Variants in ECT2L observed in about 807,000 individuals in gnomAD.
The protein encoded by ECT2L is epithelial cell-transforming sequence 2 oncogene-like.
ECT2L carries 126 observed loss-of-function variants against 122.8 expected under a neutral mutation model. That is an observed-to-expected ratio of 1.03 (90% CI 0.89 to 1.19). ECT2L has a LOEUF of 1.19. ECT2L is among the 50% of genes most tolerant of loss of function. The pLI, the probability that ECT2L is intolerant of heterozygous loss-of-function variation, is 0.00. For missense variants in ECT2L, 1,012 were observed against 1,064.1 expected, an observed-to-expected ratio of 0.95 and a Z score of 0.68; for synonymous variants, 385 against 381.8, an observed-to-expected ratio of 1.01 and a Z score of -0.10.
intron 11 of ECT2L, 126 bp downstream of exon 11, chr6:138,862,845 T>TCAGG: frequency 4.4e-6 from 3 of 677,972 alleles, no homozygotes; most frequent in Non-Finnish European, 7.4e-6. Context: ...ATTCCTCCCC[T>TCAGG]GAAGGAACGC....
At chr6:138,897,115 T>C (rs1779242687) in intron 20 of ECT2L, among the ~76,000 whole-genome samples, 1 of 152,176 alleles carries the variant, frequency 6.6e-6, no homozygotes, top group Non-Finnish European at 1.5e-5. Flanking sequence ...GCTGAATCAC[T>C]GAATCTATCT....
intron 1 of ECT2L, among the ~76,000 whole-genome samples, chr6:138,800,262 A>C (rs2128367473): frequency 6.6e-6 from 1 of 152,356 alleles, no homozygotes; most frequent in South Asian, 2.1e-4. Flanking sequence ...TTTCCAGTAG[A>C]GACATGCCAC....
At chr6:138,827,760 T>C (rs1420476533) in intron 4 of ECT2L, among the ~76,000 whole-genome samples, 1 of 152,150 alleles carries the variant, frequency 6.6e-6, no homozygotes, top group Admixed American at 6.5e-5. Context: ...GGTTTCACCA[T>C]GTTGGCCAGA....
chr6:138,832,228 T>TATTATTATTG (rs1776672751), intron 4 of ECT2L, among the ~76,000 whole-genome samples: 1 of 152,072 alleles, frequency 6.6e-6, no homozygotes, highest in Admixed American at 6.5e-5. Flanking sequence ...TCACTCCTAT[T>TATTATTATTG]ATTACCTTGA....
intron 11 of ECT2L, among the ~76,000 whole-genome samples, chr6:138,864,740 T>C (rs1024861578): frequency 6.6e-6 from 1 of 152,184 alleles, no homozygotes; most frequent in African/African-American, 2.4e-5. Context: ...GTTTTTTTTC[T>C]TTAAACATTG....
intron 20 of ECT2L, among the ~76,000 whole-genome samples, chr6:138,900,155 A>G (rs975852665): frequency 1.3e-5 from 2 of 152,182 alleles, no homozygotes; most frequent in African/African-American, 4.8e-5. Context: ...AAATGTTTAT[A>G]TTTACTTCTA....
chr6:138,847,720 A>G (rs1207793509), intron 8 of ECT2L, among the ~76,000 whole-genome samples: 1 of 152,042 alleles, frequency 6.6e-6, no homozygotes, highest in East Asian at 1.9e-4. Flanking sequence ...CTGAGAGGTG[A>G]TAACTCACTC....
chr6:138,853,818 A>T (rs1777527426), intron 9 of ECT2L, among the ~76,000 whole-genome samples: 1 of 152,196 alleles, frequency 6.6e-6, no homozygotes, highest in Non-Finnish European at 1.5e-5. Flanking sequence ...CTGAGTGCAT[A>T]GTGTCCAATT....
At chr6:138,837,836 T>G (rs1457347749) in intron 4 of ECT2L, among the ~76,000 whole-genome samples, 1 of 152,144 alleles carries the variant, frequency 6.6e-6, no homozygotes, top group African/African-American at 2.4e-5. Flanking sequence ...ACTGTTTTAT[T>G]CCTGTGAATT....
intron 4 of ECT2L, among the ~76,000 whole-genome samples, chr6:138,820,030 G>A (rs1162051431): frequency 1.3e-5 from 2 of 152,168 alleles, no homozygotes; most frequent in Non-Finnish European, 2.9e-5. Context: ...TGCTTACCGG[G>A]TTAGACACTG....
intron 6 of ECT2L, among the ~76,000 whole-genome samples, chr6:138,843,791 G>T (rs891525386): frequency 1.3e-5 from 2 of 152,148 alleles, no homozygotes; most frequent in Admixed American, 6.5e-5. Context: ...TGAGGCTCAA[G>T]TGATCCTCCC....
At chr6:138,874,617 A>G (rs1435907225) in intron 13 of ECT2L, among the ~76,000 whole-genome samples, 1 of 152,172 alleles carries the variant, frequency 6.6e-6, no homozygotes, top group Non-Finnish European at 1.5e-5. Flanking sequence ...TGACACCTGA[A>G]TTTTAATGCA....
chr6:138,896,838 G>A (rs1338788890), intron 20 of ECT2L, among the ~76,000 whole-genome samples: 1 of 152,058 alleles, frequency 6.6e-6, no homozygotes, highest in African/African-American at 2.4e-5. Flanking sequence ...AGTAGAGACG[G>A]GGTTTCGCCA....
In ECT2L at chr6:138,813,375, T is replaced by A. The variant is rs778756961; in HGVS notation, c.66+35T>A. ...ATACTTTAAAACAGAACAAGTTTAA[T>A]TCGTAAGGTTAATTTTCCTGTGATA... On this transcript the variant is annotated intron_variant, in intron 3 of 21. Coordinates refer to ENST00000541398, the MANE Select transcript of ECT2L (RefSeq NM_001077706.3). 5 of 1,520,112 alleles carry A rather than the reference T, an allele frequency of 3.3e-6. No individual in the cohort carries two copies. In the South Asian group the frequency reaches 6.0e-5, roughly 18 times the overall value. The allele number at this position is 1,520,112 out of a possible 1,614,324, so 94.2% of individuals were successfully genotyped here.
intron 9 of ECT2L, among the ~76,000 whole-genome samples, chr6:138,850,308 C>A (rs1376165442): frequency 6.6e-6 from 1 of 152,078 alleles, no homozygotes; most frequent in African/African-American, 2.4e-5. Context: ...CCATGCCTGG[C>A]TAATTTTTCT....
At chr6:138,851,482 C>CTTT (rs56921189) in intron 9 of ECT2L, among the ~76,000 whole-genome samples, 11 of 109,612 alleles carry the variant, frequency 1.0e-4, no homozygotes, top group East Asian at 2.7e-4. Flanking sequence ...TGTGCCTAGC[C>CTTT]TTTTTTTTTT....
At chr6:138,800,825 A>G (rs970555410) in intron 1 of ECT2L, among the ~76,000 whole-genome samples, 13 of 152,250 alleles carry the variant, frequency 8.5e-5, no homozygotes, top group African/African-American at 3.1e-4. Flanking sequence ...TTTATAAAGA[A>G]TAGGAATGTA....
Position 138,903,724 on chromosome 6 carries a change from A to C in ECT2L, c.*1097A>C, listed in dbSNP as rs1234621991. On this transcript the variant is annotated 3_prime_UTR_variant, in exon 22 of 22. Coordinates refer to ENST00000541398, the MANE Select transcript of ECT2L (RefSeq NM_001077706.3). ...GTGTTGAGTAGTTTCCTGGGCCTTT[A>C]ATGCTTTAAATTTATTATTTAACAA... 1.3e-5 allele frequency: 2 copies of C among 152,184 alleles called. No homozygotes were observed. Among genetic ancestry groups the C allele is most frequent in the Admixed American group, 6.5e-5 (1 of 15,280 alleles). The allele number at this position is 152,184 out of a possible 1,614,324, so 9.4% of individuals were successfully genotyped here. A position where few individuals can be genotyped will look rare whatever the true frequency, so the allele number is the denominator to read the frequency against.
At chr6:138,818,043 G>A (rs182129414) in intron 4 of ECT2L, among the ~76,000 whole-genome samples, 47 of 152,260 alleles carry the variant, frequency 3.1e-4, no homozygotes, top group South Asian at 6.2e-4. Context: ...TGGTGGAACC[G>A]GTTTTGAATT....
Sources: allele counts gnomAD v4.1 joint callset (sites outside exome capture counted in the v4.1 genomes callset), GRCh38; gene constraint gnomAD v4.1.1; transcripts MANE v1.5; gene names NCBI Gene and HGNC (gene_info 2026-07-23, HGNC 2026-07-21).